The following FAT4 variants were observed in gnomAD, a reference collection of about 807,000 sequenced individuals.
The protein encoded by FAT4 is FAT atypical cadherin 4, also known as protocadherin Fat 4.
In FAT4, 84 loss-of-function variants were observed where a neutral mutation model predicts 303.9. The ratio of observed to expected loss-of-function variants is 0.28; its 90% confidence interval spans 0.23 to 0.33. The LOEUF is 0.33. Ranked by LOEUF, FAT4 falls within the 10% of genes least tolerant of loss-of-function variation. The probability of loss-of-function intolerance (pLI) is 1.00; values close to 1 mark genes in which losing one functional copy is unlikely to be tolerated. For synonymous variants in FAT4, 2,307 were observed against 2,298.8 expected (o/e 1.00, Z -0.10); for missense variants, 6,005 against 6,146.8 (o/e 0.98, Z 0.77).
At chr4:125,457,339 A>G (rs1404283919) in intron 10 of FAT4, among the ~76,000 whole-genome samples, 1 of 152,152 alleles carries the variant, frequency 6.6e-6, no homozygotes, top group Non-Finnish European at 1.5e-5. Context: ...AATGATAATC[A>G]TGGAACAAAA....
chr4:125,446,658 A>G (rs1725839996), intron 9 of FAT4, 115 bp downstream of exon 9: 2 of 1,069,838 alleles, frequency 1.9e-6, no homozygotes, highest in South Asian at 2.6e-5. Context: ...TAATTTTGCA[A>G]ATCCTCTAAA....
chr4:125,383,247 T>G (rs1000947254), intron 2 of FAT4, among the ~76,000 whole-genome samples: 1 of 152,292 alleles, frequency 6.6e-6, no homozygotes, highest in South Asian at 2.1e-4. Context: ...TAGCTTTTGA[T>G]TTAAAATAAG....
chr4:125,318,309 G>A lies in FAT4; in HGVS notation c.1898G>A (p.Arg633His), dbSNP rs370926669. 2.0e-5 allele frequency: 32 copies of A among 1,614,096 alleles called. No individual in the cohort carries two copies. The African/African-American group carries it at 2.1e-4, about 11-fold the overall frequency. Reference protein sequence around the residue: ...QEAETDRRSFRLDPVSGRLST... With the variant: ...QEAETDRRSFHLDPVSGRLST... ...GCAGAGACTGACCGGAGGTCCTTCC[G>A]TCTGGATCCTGTGTCTGGGAGGTTG... The change falls in exon 2 of 18, where the codon CGT becomes CAT. Residue 633 changes from arginine (R) to histidine (H), a missense_variant. Physicochemically the swap from Arg to His is conservative, Grantham distance 29. Coordinates refer to ENST00000394329, the MANE Select transcript of FAT4 (RefSeq NM_001291303.3).
chr4:125,479,683 T>C (rs1336630817), intron 14 of FAT4, 58 bp from the exon 15 acceptor site: 12 of 1,443,570 alleles, frequency 8.3e-6, no homozygotes, highest in South Asian at 1.6e-5. Flanking sequence ...TATTGAGTTT[T>C]AGCAAACTTC....
chr4:125,349,216 G>T (rs1732126418), intron 2 of FAT4, among the ~76,000 whole-genome samples: 1 of 151,694 alleles, frequency 6.6e-6, no homozygotes, highest in Admixed American at 6.6e-5. Context: ...GAATTTTCCA[G>T]TATATTAAAA....
intron 2 of FAT4, among the ~76,000 whole-genome samples, chr4:125,343,947 C>G (rs897656613): frequency 3.3e-5 from 5 of 152,044 alleles, no homozygotes; most frequent in African/African-American, 1.2e-4. Flanking sequence ...ATGTTGTGTT[C>G]TAATAGATGA....
chr4:125,407,152 G>T lies in FAT4; in HGVS notation c.5569+11G>T, dbSNP rs1734650488. 11 of 1,602,338 alleles carry T rather than the reference G, an allele frequency of 6.9e-6. No individual in the cohort carries two copies. The highest frequency in any genetic ancestry group is 8.5e-6 in the Non-Finnish European group (10 of 1,171,834). On this transcript the variant is annotated intron_variant, in intron 4 of 17. Coordinates refer to ENST00000394329, the MANE Select transcript of FAT4 (RefSeq NM_001291303.3). ...AGGACACAATCCCTGGTAGGTGATG[G>T]GTCTCTTATGTGTATTTTGCAAGAA... is the stretch of plus-strand genomic sequence containing the variant.
intron 2 of FAT4, among the ~76,000 whole-genome samples, chr4:125,339,007 T>C (rs1731674524): frequency 6.6e-6 from 1 of 152,192 alleles, no homozygotes; most frequent in African/African-American, 2.4e-5. Flanking sequence ...TTCCCTTTCC[T>C]TCCTGTTTGA....
Position 125,415,482 on chromosome 4 carries a change from A to C in FAT4, c.6519A>C (p.Ile2173=). 6.2e-7 allele frequency: 1 copy of C among 1,614,124 alleles called. No homozygotes were observed. Among genetic ancestry groups the C allele is most frequent in the East Asian group, 2.2e-5 (1 of 44,866 alleles). The change falls in exon 6 of 18, where the codon ATA becomes ATC. Residue 2173 remains isoleucine, a synonymous_variant. Coordinates refer to ENST00000394329, the MANE Select transcript of FAT4 (RefSeq NM_001291303.3). The part of the protein sequence containing the change: ...INENTLTGTD[I]IQVFAADGDE... ...AAAACACACTTACTGGAACAGATAT[A>C]ATACAAGTGTTCGCAGCAGATGGAG...
chr4:125,318,036 G>A lies in FAT4; in HGVS notation c.1625G>A (p.Arg542His), dbSNP rs1560753464. The A allele has an allele frequency of 2.5e-6, 4 of 1,614,186 alleles. No individual in the cohort carries two copies. In the East Asian group the frequency reaches 8.9e-5, roughly 36 times the overall value. Reference protein sequence around the residue: ...VTTGSSGGLDRELASQIVLNI... With the variant: ...VTTGSSGGLDHELASQIVLNI... ...ACTGGGTCCTCTGGGGGCCTGGACC[G>A]TGAACTTGCTTCCCAGATTGTTCTG... Residue 542 changes from arginine to histidine, a missense_variant, in exon 2 of 18, where the codon CGT becomes CAT. Transcript: ENST00000394329.
chr4:125,373,113 A>G (rs1439779041), intron 2 of FAT4, among the ~76,000 whole-genome samples: 1 of 152,194 alleles, frequency 6.6e-6, no homozygotes, highest in African/African-American at 2.4e-5. Flanking sequence ...TTTAATGTGA[A>G]TCATTGAACT....
At chr4:125,337,940 C>A (rs1264541997) in intron 2 of FAT4, among the ~76,000 whole-genome samples, 1 of 152,098 alleles carries the variant, frequency 6.6e-6, no homozygotes, top group Non-Finnish European at 1.5e-5. Context: ...TTTCACAGAG[C>A]AGCTTTGAGA....
At chr4:125,380,987 G>T (rs1247982853) in intron 2 of FAT4, among the ~76,000 whole-genome samples, 2 of 152,010 alleles carry the variant, frequency 1.3e-5, no homozygotes, top group Non-Finnish European at 2.9e-5. Flanking sequence ...ATTCATATTA[G>T]TACAGACTTC....
chr4:125,406,007 G>A (rs574528903), intron 3 of FAT4, among the ~76,000 whole-genome samples: 5 of 151,982 alleles, frequency 3.3e-5, no homozygotes, highest in Admixed American at 2.0e-4. Context: ...ACTGTTTACT[G>A]TAGAGAAACT....
intron 2 of FAT4, among the ~76,000 whole-genome samples, chr4:125,321,917 C>G (rs759166235): frequency 1.3e-5 from 2 of 152,142 alleles, no homozygotes; most frequent in Non-Finnish European, 1.5e-5. Context: ...AAATACCACT[C>G]AATAAGGAAG....
At chr4:125,396,107 T>C (rs545157070) in intron 2 of FAT4, among the ~76,000 whole-genome samples, 1 of 152,282 alleles carries the variant, frequency 6.6e-6, no homozygotes, top group South Asian at 2.1e-4. Context: ...TTATGTTTTT[T>C]TAACACACAC....
At position 125,408,682 on chromosome 4, in the gene FAT4, T is replaced by C. The variant is rs770131334; in HGVS notation, c.5808T>C (p.Asp1936=). The change falls in exon 5 of 18, where the codon GAT becomes GAC. Residue 1936 remains aspartate, a synonymous_variant. Coordinates refer to ENST00000394329, the MANE Select transcript of FAT4 (RefSeq NM_001291303.3). The part of the protein sequence containing the change: ...TTIRVYFNIL[D]VNDNPPIFSL... ...TCAGAGTTTATTTCAATATTCTAGA[T>C]GTAAATGATAATCCACCTATTTTCA... 7 of 1,610,280 alleles carry C rather than the reference T, an allele frequency of 4.3e-6. No individual in the cohort carries two copies. Among genetic ancestry groups the C allele is most frequent in the Non-Finnish European group, 5.9e-6 (7 of 1,176,904 alleles).
chr4:125,329,654 C>A (rs1731298515), intron 2 of FAT4, among the ~76,000 whole-genome samples: 1 of 152,156 alleles, frequency 6.6e-6, no homozygotes, highest in Admixed American at 6.5e-5. Flanking sequence ...GCCCATATGT[C>A]TTTTCTGAAC....
intron 2 of FAT4, among the ~76,000 whole-genome samples, chr4:125,336,567 T>C (rs1190022722): frequency 6.6e-6 from 1 of 152,036 alleles, no homozygotes; most frequent in Non-Finnish European, 1.5e-5. Context: ...CTTTCTTTCA[T>C]TTTAATATTA....
Sources: allele counts gnomAD v4.1 joint callset (sites outside exome capture counted in the v4.1 genomes callset), GRCh38; gene constraint gnomAD v4.1.1; transcripts MANE v1.5; gene names NCBI Gene and HGNC (gene_info 2026-07-23, HGNC 2026-07-21).